Variants in PWWP2A observed in about 807,000 individuals in gnomAD.
PWWP2A encodes PWWP domain-containing protein 2A.
In PWWP2A, 18 loss-of-function variants were observed where a neutral mutation model predicts 48.5. The observed-to-expected ratio is 0.37, with a 90% CI of 0.26 to 0.55. The LOEUF is 0.55. PWWP2A is among the 20% of genes least tolerant of loss of function. PWWP2A has a pLI of 0.81. For synonymous variants in PWWP2A, 396 were observed against 387.7 expected, an observed-to-expected ratio of 1.02 and a Z score of -0.25; for missense variants, 867 against 976.4, an observed-to-expected ratio of 0.89 and a Z score of 1.49.
chr5:160,048,099 GA>G, the PWWP2A span, among the ~76,000 whole-genome samples: 1 of 92,600 alleles, frequency 1.1e-5, no homozygotes, highest in Non-Finnish European at 2.2e-5. Flanking sequence ...TATGAGAAAA[GA>G]AAAAAGTTCT....
intron 2 of PWWP2A, among the ~76,000 whole-genome samples, chr5:160,067,725 T>C (rs1285784398): frequency 6.6e-6 from 1 of 152,216 alleles, no homozygotes; most frequent in Non-Finnish European, 1.5e-5. Flanking sequence ...GGAGTTTTTA[T>C]CTGGCACTGT....
chr5:160,118,762 G>A (rs1341531837), intron 1 of PWWP2A, 43 bp downstream of exon 1: 18 of 1,379,268 alleles, frequency 1.3e-5, no homozygotes, highest in South Asian at 5.1e-5. Context: ...CTCCCTCCCT[G>A]GGGACCCAGC....
chr5:160,048,082 G>T, the PWWP2A span, among the ~76,000 whole-genome samples: 2 of 133,880 alleles, frequency 1.5e-5, no homozygotes, highest in Non-Finnish European at 3.1e-5. Flanking sequence ...AAAAATTAAG[G>T]ATAGATTATG....
At chr5:160,060,184 A>C (rs536949029), downstream of PWWP2A, among the ~76,000 whole-genome samples, 4 of 152,338 alleles carry the variant, frequency 2.6e-5, no homozygotes, top group South Asian at 8.3e-4. Flanking sequence ...AAAGTCCCAA[A>C]GGAGCCATTC....
downstream of PWWP2A, chr5:160,090,632 T>C: frequency 1.0e-6 from 1 of 984,058 alleles, no homozygotes; most frequent in Non-Finnish European, 1.2e-6. Flanking sequence ...AAATTCGCAA[T>C]CAGTCAATAA....
At chr5:160,044,911 TTTC>T in the PWWP2A span, among the ~76,000 whole-genome samples, 1 of 152,246 alleles carries the variant, frequency 6.6e-6, no homozygotes, top group African/African-American at 2.4e-5. Flanking sequence ...CTCTACTGGC[TTTC>T]TTTTCTTTAT....
intron 1 of PWWP2A, among the ~76,000 whole-genome samples, chr5:160,103,306 C>T (rs1756503652): frequency 6.6e-6 from 1 of 152,082 alleles, no homozygotes; most frequent in African/African-American, 2.4e-5. Context: ...AGAAAGCACA[C>T]AAAAAAGAAA....
At chr5:160,070,209 G>A (rs1176722541) in intron 2 of PWWP2A, among the ~76,000 whole-genome samples, 1 of 152,174 alleles carries the variant, frequency 6.6e-6, no homozygotes, top group Non-Finnish European at 1.5e-5. Flanking sequence ...GCTCACACCT[G>A]TAATCCCAAC....
At chr5:160,069,708 A>C (rs1254678769) in intron 2 of PWWP2A, among the ~76,000 whole-genome samples, 1 of 152,204 alleles carries the variant, frequency 6.6e-6, no homozygotes, top group Admixed American at 6.5e-5. Flanking sequence ...TATAAAAATA[A>C]ATACATAATA....
At chr5:160,056,955 C>T (rs1286177161), downstream of PWWP2A, among the ~76,000 whole-genome samples, 1 of 152,078 alleles carries the variant, frequency 6.6e-6, no homozygotes, top group Non-Finnish European at 1.5e-5. Flanking sequence ...TGAAGCCATA[C>T]ATGTAGGTAC....
intron 2 of PWWP2A, among the ~76,000 whole-genome samples, chr5:160,083,394 C>T (rs965100792): frequency 6.6e-6 from 1 of 152,200 alleles, no homozygotes; most frequent in African/African-American, 2.4e-5. Context: ...GAATGTGTGG[C>T]ATTTCCCTCC....
At position 160,118,788 on chromosome 5, in the gene PWWP2A, G is replaced by A; in HGVS notation, c.584+17C>T. ...GGGACCCAGCGGACCGGAGGGTGCT[G>A]GGGGCGGGCGCGGTACCTTTTGGAC... is the stretch of plus-strand genomic sequence containing the variant. On this transcript the variant is annotated intron_variant, in intron 1 of 1. Coordinates refer to ENST00000307063, the MANE Select transcript of PWWP2A (RefSeq NM_001130864.2). The A allele has an allele frequency of 7.0e-7, 1 of 1,431,974 alleles. No homozygotes were observed. The highest frequency in any genetic ancestry group is 1.8e-4 in the Middle Eastern group (1 of 5,502). 88.7% of individuals were successfully genotyped at this position (1,431,974 alleles called of 1,614,324 possible).
Position 160,092,547 on chromosome 5 carries a change from T to A in PWWP2A, c.2103A>T (p.Thr701=), listed in dbSNP as rs769995200. ...ARISWFGSPT[T]SFLALSQLSP... ...AGAGTTGTGAAAGAGCAAGGAAAGA[T>A]GTTGTTGGAGACCCAAACCATGAAA... Residue 701 remains threonine, a synonymous_variant, in exon 2 of 2, where the codon ACA becomes ACT. Coordinates refer to ENST00000307063, the MANE Select transcript of PWWP2A (RefSeq NM_001130864.2). 17 of 1,551,528 alleles carry A rather than the reference T, an allele frequency of 1.1e-5. No individual in the cohort carries two copies. The highest frequency in any genetic ancestry group is 3.9e-5 in the Admixed American group (2 of 50,968).
downstream of PWWP2A, among the ~76,000 whole-genome samples, chr5:160,072,572 CTTTT>C (rs34168662): frequency 7.9e-5 from 12 of 152,084 alleles, no homozygotes; most frequent in East Asian, 1.9e-4. Context: ...AAAATAAATA[CTTTT>C]TTTGTTAGCT....
At chr5:160,080,380 A>G (rs1314089937) in intron 3 of PWWP2A, among the ~76,000 whole-genome samples, 1 of 152,188 alleles carries the variant, frequency 6.6e-6, no homozygotes, top group Non-Finnish European at 1.5e-5. Context: ...GGTCACACCC[A>G]ACTTCTACCA....
chr5:160,051,237 G>A, the PWWP2A span: 9 of 1,464,082 alleles, frequency 6.1e-6, no homozygotes, highest in South Asian at 1.2e-5. Flanking sequence ...CCTAGGGTGG[G>A]GACATAGCGA....
chr5:160,058,434 G>A (rs200291843), downstream of PWWP2A, among the ~76,000 whole-genome samples: 18 of 141,342 alleles, frequency 1.3e-4, no homozygotes, highest in East Asian at 1.6e-3. Context: ...TTTTTGAGAC[G>A]GAGTCTCGCT....
At position 160,078,084 on chromosome 5, in the gene PWWP2A, A is replaced by G. The variant is rs2113457849; in HGVS notation, c.*71T>C. 2 of 1,369,848 alleles carry G rather than the reference A, an allele frequency of 1.5e-6. No individual in the cohort carries two copies. Among genetic ancestry groups the G allele is most frequent in the South Asian group, 2.5e-5 (2 of 79,820 alleles). 84.9% of individuals were successfully genotyped at this position (1,369,848 alleles called of 1,614,324 possible). A position where few individuals can be genotyped will look rare whatever the true frequency, so the allele number is the denominator to read the frequency against. ...TCTTAGTGCAGCTTTAAAAACTCCA[A>G]TTTCATTCAGTCCTGATGCTCTGGT... On this transcript the variant is annotated 3_prime_UTR_variant, in exon 4 of 4. Transcript: ENST00000456329. The surrounding 1 kb of genome is among the most constrained non-coding windows in gnomAD (Gnocchi z 4.2).
At chr5:160,100,722 T>C (rs142354094) in intron 1 of PWWP2A, among the ~76,000 whole-genome samples, 289 of 152,362 alleles carry the variant, frequency 1.9e-3, no homozygotes, top group African/African-American at 6.5e-3. Context: ...GAGGTAAAAC[T>C]GAAGCAAGCT....
Sources: allele counts gnomAD v4.1 joint callset (sites outside exome capture counted in the v4.1 genomes callset), GRCh38; gene constraint gnomAD v4.1.1; non-coding constraint Gnocchi (gnomAD v3.1); transcripts MANE v1.5; gene names NCBI Gene and HGNC (gene_info 2026-07-23, HGNC 2026-07-21).